DLGAP1: variants seen among roughly 807,000 people sequenced by gnomAD.
The protein encoded by DLGAP1 is disks large-associated protein 1.
Under a neutral mutation model 90.8 loss-of-function variants are expected in DLGAP1, and 11 were observed. The ratio of observed to expected loss-of-function variants is 0.12; its 90% CI spans 0.08 to 0.20. DLGAP1 has a LOEUF of 0.20. Ranked by LOEUF, DLGAP1 falls within the 10% of genes least tolerant of loss-of-function variation. DLGAP1 has a pLI of 1.00. For synonymous variants in DLGAP1, 558 were observed against 540.7 expected (o/e 1.03, Z -0.44); for missense variants, 1,050 against 1,333.8 (o/e 0.79, Z 3.31).
In DLGAP1 at chr18:3,914,364, T is replaced by C. The variant is rs74883899; in HGVS notation, c.-72-34224A>G. On this transcript the variant is annotated intron_variant, in intron 3 of 12. Coordinates refer to ENST00000315677, the MANE Select transcript of DLGAP1 (RefSeq NM_004746.4). ...ATAATGTTTTCCAGATGCATCCATG[T>C]TGTTGCAAGTGCCAGGATTTCTTTC... Among the ~76,000 whole-genome samples the C allele has an allele frequency of 1.4e-4, 21 of 145,512 alleles. No individual in the cohort carries two copies. In the East Asian group the frequency reaches 4.2e-3, roughly 29 times the overall value.
intron 3 of DLGAP1, among the ~76,000 whole-genome samples, chr18:4,003,252 T>TAG (rs2074233539): frequency 6.6e-6 from 1 of 152,044 alleles, no homozygotes; most frequent in African/African-American, 2.4e-5. Flanking sequence ...CTGCTCTTGG[T>TAG]AGAGACAGGG....
At chr18:3,751,997 C>T (rs28797842) in intron 5 of DLGAP1, among the ~76,000 whole-genome samples, 25,679 of 151,216 alleles carry the variant, frequency 0.17, 2,611 homozygotes, top group East Asian at 0.53. Context: ...GATTCTCCTA[C>T]CTCAGCCTCC....
chr18:3,783,979 C>T (rs529879312), intron 5 of DLGAP1, among the ~76,000 whole-genome samples: 2 of 152,220 alleles, frequency 1.3e-5, no homozygotes, highest in East Asian at 3.9e-4. Flanking sequence ...TGCTTTTTGT[C>T]TGCTTTTTGC....
At chr18:3,713,763 C>A (rs1598430517) in intron 7 of DLGAP1, among the ~76,000 whole-genome samples, 1 of 152,168 alleles carries the variant, frequency 6.6e-6, no homozygotes. Context: ...GTTTATGACA[C>A]AGAGCACTCA....
In DLGAP1 at chr18:3,723,130, C is replaced by T. The variant is rs868400580; in HGVS notation, c.1591+6005G>A. On this transcript the variant is annotated intron_variant, in intron 7 of 12. Transcript: ENST00000315677. ...ATTTGGCTTTGTGGGCCAAAACATT[C>T]CTGCAGAGACTACTCTGCAGGAACT... 2.3e-4 allele frequency among the ~76,000 whole-genome samples: 35 copies of T among 152,244 alleles called. No individual in the cohort carries two copies. The Middle Eastern group carries it at 0.01, about 44-fold the overall frequency.
chr18:3,639,793 C>T lies in DLGAP1; in HGVS notation c.1592-57545G>A, dbSNP rs567896998. On this transcript the variant is annotated intron_variant, in intron 7 of 12. Transcript: ENST00000315677. The stretch of plus-strand genomic sequence containing the variant: ...TTTTTGAGACAGAGTCTTGCTCTGT[C>T]GCCCAGGCTGGAGTGCAGTGGCGCG... Among the ~76,000 whole-genome samples, 62 of 123,402 alleles carry T rather than the reference C, an allele frequency of 5.0e-4. 2 individuals are homozygous for T. The highest frequency in any genetic ancestry group is 2.6e-3 in the East Asian group (11 of 4,164). The allele number at this position is 123,402 out of a possible 152,430, so 81.0% of individuals were successfully genotyped here. A position where few individuals can be genotyped will look rare whatever the true frequency, so the allele number is the denominator to read the frequency against.
At position 3,499,178 on chromosome 18, in the gene DLGAP1, G is replaced by A. The variant is rs1598939563; in HGVS notation, c.*7C>T. ...TGCTTGGCGGCGGCGGCCGGGCTGC[G>A]GGGCGCTCAGAGCCGGGTCTGCGCC... On this transcript the variant is annotated 3_prime_UTR_variant, in exon 13 of 13. Coordinates refer to ENST00000315677, the MANE Select transcript of DLGAP1 (RefSeq NM_004746.4). This position sits in a 1 kb window ranked among gnomAD's most constrained non-coding sequence, Gnocchi z 6.4. 6.4e-7 allele frequency: 1 copy of A among 1,557,214 alleles called. No homozygotes were observed. Among genetic ancestry groups the A allele is most frequent in the African/African-American group, 1.4e-5 (1 of 71,406 alleles).
chr18:4,428,656 T>C (rs1215451382), intron 1 of DLGAP1, among the ~76,000 whole-genome samples: 1 of 152,200 alleles, frequency 6.6e-6, no homozygotes, highest in African/African-American at 2.4e-5. Flanking sequence ...GCTCCCACTT[T>C]GCCTCCCACC....
rs2081218395 is a variant in DLGAP1 at position 4,342,672 on chromosome 18, A to G, written c.-267+112334T>C. 6.6e-6 allele frequency among the ~76,000 whole-genome samples: 1 copy of G among 152,216 alleles called. No individual in the cohort carries two copies. The highest frequency in any genetic ancestry group is 1.5e-5 in the Non-Finnish European group (1 of 68,034). Reference sequence around the variant, plus strand: ...TTGTTTTGGTTTTGGTTAATACTACATTTGCCACAAATCTGCAGATGTATG... The same window carrying G: ...TTGTTTTGGTTTTGGTTAATACTACGTTTGCCACAAATCTGCAGATGTATG... On this transcript the variant is annotated intron_variant, in intron 1 of 12. Transcript: ENST00000315677. The surrounding 1 kb of genome is among the most constrained non-coding windows in gnomAD (Gnocchi z 5.8).
chr18:3,880,124 C>T lies in DLGAP1; in HGVS notation c.-56G>A. The T allele has an allele frequency of 1.3e-6, 2 of 1,528,698 alleles. No individual in the cohort carries two copies. The highest frequency in any genetic ancestry group is 1.8e-6 in the Non-Finnish European group (2 of 1,120,126). The allele number at this position is 1,528,698 out of a possible 1,614,324, so 94.7% of individuals were successfully genotyped here. On this transcript the variant is annotated 5_prime_UTR_variant, in exon 4 of 13. Transcript: ENST00000315677. ...GACACCCGGAAGTCAGGCTCCAGAC[C>T]CGTCTTGGGCAGGGATCTGGGGGAA... is the stretch of plus-strand genomic sequence containing the variant.
At chr18:3,698,834 T>C (rs2061181326) in intron 7 of DLGAP1, among the ~76,000 whole-genome samples, 1 of 152,130 alleles carries the variant, frequency 6.6e-6, no homozygotes, top group Admixed American at 6.5e-5. Context: ...GAGGCTTTGT[T>C]CATTCCTTTT....
At position 4,017,453 on chromosome 18, in the gene DLGAP1, A is replaced by C. The variant is rs577621187; in HGVS notation, c.-158-12252T>G. 3.2e-4 allele frequency among the ~76,000 whole-genome samples: 49 copies of C among 152,372 alleles called. 1 individual carries two copies. The Middle Eastern group carries it at 0.014, about 42-fold the overall frequency. On this transcript the variant is annotated intron_variant, in intron 2 of 12. Transcript: ENST00000315677. Reference sequence around the variant, plus strand: ...ATAAAATAATTATTTCTAACAAAAAAGTTAAAGAAAGTCTTTAATCTTCTA... The same window carrying C: ...ATAAAATAATTATTTCTAACAAAAACGTTAAAGAAAGTCTTTAATCTTCTA...
intron 2 of DLGAP1, among the ~76,000 whole-genome samples, chr18:4,030,850 G>T (rs2074784700): frequency 6.6e-6 from 1 of 152,176 alleles, no homozygotes; most frequent in African/African-American, 2.4e-5. Flanking sequence ...TGAGCCCGGG[G>T]AGGCGGAGGT....
At chr18:3,643,549 G>A (rs956380628) in intron 7 of DLGAP1, among the ~76,000 whole-genome samples, 11 of 151,380 alleles carry the variant, frequency 7.3e-5, no homozygotes, top group African/African-American at 2.7e-4. Flanking sequence ...TGTAGTTCCA[G>A]CTACTTGGGA....
At chr18:3,795,343 G>T (rs746839337) in intron 5 of DLGAP1, among the ~76,000 whole-genome samples, 13 of 151,966 alleles carry the variant, frequency 8.6e-5, no homozygotes, top group Non-Finnish European at 1.6e-4. Flanking sequence ...TTGAGACAGG[G>T]TCTCTCTCTG....
intron 1 of DLGAP1, among the ~76,000 whole-genome samples, chr18:4,414,885 T>C (rs1181206670): frequency 6.6e-6 from 1 of 152,188 alleles, no homozygotes; most frequent in Non-Finnish European, 1.5e-5. Flanking sequence ...TTACTAGCAG[T>C]GTCAATTTGC....
At chr18:3,817,769 A>G (rs2067178858) in intron 4 of DLGAP1, among the ~76,000 whole-genome samples, 1 of 152,220 alleles carries the variant, frequency 6.6e-6, no homozygotes, top group African/African-American at 2.4e-5. Context: ...GGAGAATTAC[A>G]TGGCTGCAGC....
chr18:4,424,610 A>G (rs1405603276), intron 1 of DLGAP1, among the ~76,000 whole-genome samples: 6 of 152,208 alleles, frequency 3.9e-5, no homozygotes, highest in Admixed American at 3.9e-4. Context: ...CTTTAAAACC[A>G]TCTGGGAATG....
chr18:3,663,731 G>A (rs1280286543), intron 7 of DLGAP1, among the ~76,000 whole-genome samples: 1 of 152,180 alleles, frequency 6.6e-6, no homozygotes, highest in Non-Finnish European at 1.5e-5. Context: ...AAGGTGCCAG[G>A]CATGTGAATA....
Sources: allele counts gnomAD v4.1 joint callset (sites outside exome capture counted in the v4.1 genomes callset), GRCh38; gene constraint gnomAD v4.1.1; non-coding constraint Gnocchi (gnomAD v3.1); transcripts MANE v1.5; gene names NCBI Gene and HGNC (gene_info 2026-07-23, HGNC 2026-07-21).